Variants in ZMYM5 observed in about 807,000 individuals in gnomAD.
The protein encoded by ZMYM5 is zinc finger MYM-type protein 5.
Under a neutral mutation model 61.8 loss-of-function variants are expected in ZMYM5, and 41 were observed. That is an observed-to-expected ratio of 0.66 (90% CI 0.52 to 0.86). ZMYM5 has a LOEUF of 0.86. ZMYM5 is among the 40% of genes least tolerant of loss of function. The pLI is 0.00. For missense variants in ZMYM5, 706 were observed against 786.7 expected (o/e 0.90, Z 1.23); for synonymous variants, 257 against 276.4 (o/e 0.93, Z 0.70).
chr13:19,825,321 A>C (rs1257782360), intron 7 of ZMYM5, 86 bp from the exon 8 acceptor site: 3 of 1,089,750 alleles, frequency 2.8e-6, no homozygotes, highest in Admixed American at 4.0e-5. Context: ...GCACATGCTC[A>C]TCATTAGGCA....
At chr13:19,836,276 T>C (rs563155127) in intron 6 of ZMYM5, among the ~76,000 whole-genome samples, 6 of 152,268 alleles carry the variant, frequency 3.9e-5, no homozygotes, top group Admixed American at 3.9e-4. Flanking sequence ...GAACTTTTTT[T>C]TTTTTTTTGA....
intron 2 of ZMYM5, among the ~76,000 whole-genome samples, chr13:19,860,990 T>A (rs1305114509): frequency 6.6e-6 from 1 of 151,626 alleles, no homozygotes; most frequent in African/African-American, 2.4e-5. Context: ...CAGGCTTTTT[T>A]TTTTTTCTTA....
intron 4 of ZMYM5, among the ~76,000 whole-genome samples, chr13:19,850,752 A>G (rs1953256933): frequency 3.3e-5 from 5 of 152,300 alleles, no homozygotes; most frequent in African/African-American, 1.2e-4. Flanking sequence ...ATTACACTGT[A>G]TCTTTATCCT....
At position 19,860,374 on chromosome 13, in the gene ZMYM5, C is replaced by A. The variant is rs902001124; in HGVS notation, c.-11+2025G>T. On this transcript the variant is annotated intron_variant, in intron 2 of 7. Transcript: ENST00000337963. ...ATGGCACAATCTCGGCTCACCATAA[C>A]CTCTGCCTCTCAAGTAGCTGGTATT... is the stretch of plus-strand genomic sequence containing the variant. Among the ~76,000 whole-genome samples, 31 of 149,850 alleles carry A rather than the reference C, an allele frequency of 2.1e-4. 1 individual carries two copies. Among genetic ancestry groups the A allele is most frequent in the Admixed American group, 2.7e-4 (4 of 14,958 alleles).
intron 4 of ZMYM5, among the ~76,000 whole-genome samples, chr13:19,840,607 C>T (rs531086917): frequency 6.6e-6 from 1 of 152,234 alleles, no homozygotes; most frequent in African/African-American, 2.4e-5. Context: ...CTCCTGGACT[C>T]AAGCGATCTT....
chr13:19,853,795 T>A (rs1953404831), intron 2 of ZMYM5, among the ~76,000 whole-genome samples: 1 of 151,906 alleles, frequency 6.6e-6, no homozygotes, highest in South Asian at 2.1e-4. Flanking sequence ...TTGCCCAGGG[T>A]GGTCTCGAAC....
At chr13:19,851,516 G>C in intron 3 of ZMYM5, 68 bp from the exon 4 acceptor site, 1 of 1,577,332 alleles carries the variant, frequency 6.3e-7, no homozygotes. Flanking sequence ...AAGTCCTTTA[G>C]CGACATCTCC....
Position 19,851,414 on chromosome 13 carries a change from C to G in ZMYM5, c.527G>C (p.Arg176Thr). 6.2e-7 allele frequency: 1 copy of G among 1,614,168 alleles called. No homozygotes were observed. Among genetic ancestry groups the G allele is most frequent in the Non-Finnish European group, 8.5e-7 (1 of 1,180,018 alleles). ...AAATAAGTCTCCTGCCACATTCATT[C>G]TACCAGGGTTAAAAGGTCTTACTCC... is the stretch of plus-strand genomic sequence containing the variant. ...KTGVRPFNPG[R>T]MNVAGDLFQN... The change falls in exon 4 of 8, where the codon AGA (arginine) becomes ACA (threonine). Residue 176 changes from arginine (R) to threonine (T), a missense_variant. Around this residue, in one of 2 missense-constraint regions of ZMYM5, gnomAD observed 480 missense variants for 461.7 expected, o/e 1.04. Transcript: ENST00000337963.
At chr13:19,832,529 G>GT (rs1952562141) in intron 7 of ZMYM5, among the ~76,000 whole-genome samples, 1 of 152,026 alleles carries the variant, frequency 6.6e-6, no homozygotes, top group African/African-American at 2.4e-5. Flanking sequence ...GTTTCACTAT[G>GT]TTGGCCAGGC....
chr13:19,833,136 G>C (rs1309188601), intron 7 of ZMYM5, among the ~76,000 whole-genome samples: 1 of 152,100 alleles, frequency 6.6e-6, no homozygotes, highest in Non-Finnish European at 1.5e-5. Flanking sequence ...CATAAATAAG[G>C]TTTTCTTGCA....
intron 2 of ZMYM5, among the ~76,000 whole-genome samples, chr13:19,854,984 AAC>A (rs1171297984): frequency 2.6e-5 from 4 of 152,212 alleles, no homozygotes; most frequent in African/African-American, 9.7e-5. Context: ...TAACAAAATT[AAC>A]ATTTACATAA....
At position 19,824,661 on chromosome 13, in the gene ZMYM5, C is replaced by A. The variant is rs1294419969; in HGVS notation, c.1826G>T (p.Cys609Phe). 1.5e-6 allele frequency: 2 copies of A among 1,327,398 alleles called. No homozygotes were observed. 82.2% of individuals were successfully genotyped at this position (1,327,398 alleles called of 1,614,324 possible). ...GKNQLKNENG[C>F]KDWQHLSHIL... ...ATGTGATAAATGTTGCCAATCTTTGCACCCATTTTCATTTTTCAGTTGATT... is the reference window on the plus strand; with the variant it reads ...ATGTGATAAATGTTGCCAATCTTTGAACCCATTTTCATTTTTCAGTTGATT... Residue 609 changes from cysteine (C) to phenylalanine (F), a missense_variant, in exon 8 of 8, where the codon TGC becomes TTC. Transcript: ENST00000337963.
chr13:19,834,994 CTT>C (rs71070250), intron 7 of ZMYM5, among the ~76,000 whole-genome samples: 271 of 140,530 alleles, frequency 1.9e-3, no homozygotes, highest in Non-Finnish European at 2.0e-3. Flanking sequence ...CATTTTCTTT[CTT>C]TTTTTTTTTT....
At chr13:19,858,905 A>T (rs957693302) in intron 2 of ZMYM5, among the ~76,000 whole-genome samples, 1 of 152,192 alleles carries the variant, frequency 6.6e-6, no homozygotes, top group Non-Finnish European at 1.5e-5. Flanking sequence ...CCCTCCCATC[A>T]AGTTGATGGT....
rs1566092467 is a variant in ZMYM5, at chr13:19,838,817, T to C, written c.755A>G (p.Gln252Arg). The C allele has an allele frequency of 3.1e-6, 5 of 1,614,188 alleles. No individual in the cohort carries two copies. Among genetic ancestry groups the C allele is most frequent in the South Asian group, 1.1e-5 (1 of 91,082 alleles). Residue 252 changes from glutamine to arginine, a missense_variant, in exon 5 of 8, where the codon CAG (glutamine) becomes CGG (arginine). This residue lies in a region of ZMYM5 where 480 missense variants were observed against 461.7 expected (regional missense o/e 1.04). Transcript: ENST00000337963. ...ITCANCKKPL[Q>R]KGQTAYQRKG... is the part of the protein sequence containing the mutation. ...TCGTTGATAAGCTGTCTGTCCCTTC[T>C]GTAAAGGCTTTTTGCAATTTGCACA... is the stretch of plus-strand genomic sequence containing the variant.
chr13:19,860,578 C>A (rs1245802751), intron 2 of ZMYM5, among the ~76,000 whole-genome samples: 1 of 151,732 alleles, frequency 6.6e-6, no homozygotes, highest in Non-Finnish European at 1.5e-5. Context: ...ACTGAGATTC[C>A]AGGTGTGAGT....
chr13:19,830,839 CTTTTTT>C (rs1160103759), intron 7 of ZMYM5, among the ~76,000 whole-genome samples: 1 of 129,586 alleles, frequency 7.7e-6, no homozygotes, highest in Non-Finnish European at 1.6e-5. Flanking sequence ...GTTACTTTTT[CTTTTTT>C]TTTTTTTTTT....
intron 3 of ZMYM5, 48 bp from the exon 4 acceptor site, chr13:19,851,496 T>C: frequency 6.3e-7 from 1 of 1,597,556 alleles, no homozygotes; most frequent in Non-Finnish European, 8.6e-7. Context: ...ACACCAAAAT[T>C]ACTTGACTGA....
Position 19,851,758 on chromosome 13 carries a change from C to G in ZMYM5, c.423G>C (p.Trp141Cys). Residue 141 changes from tryptophan (W) to cysteine (C), a missense_variant, in exon 3 of 8, where the codon TGG (tryptophan) becomes TGC (cysteine). Coordinates refer to ENST00000337963, the MANE Select transcript of ZMYM5 (RefSeq NM_001142684.2). ...TTTTGTTTTTAGTTCCAGGAAGTCC[C>G]CATTCGATAAAACAGGAAGACTTTT... ...AEKKSSCFIE[W>C]GLPGTKNKTN... 1 of 1,599,544 alleles carries G rather than the reference C, an allele frequency of 6.3e-7. No individual in the cohort carries two copies. Among genetic ancestry groups the G allele is most frequent in the South Asian group, 1.1e-5 (1 of 87,338 alleles).
Sources: allele counts gnomAD v4.1 joint callset (sites outside exome capture counted in the v4.1 genomes callset), GRCh38; gene constraint gnomAD v4.1.1; regional missense constraint gnomAD v4.1.1; transcripts MANE v1.5; gene names NCBI Gene and HGNC (gene_info 2026-07-23, HGNC 2026-07-21).